The following BBX variants were observed in gnomAD, a reference collection of about 807,000 sequenced individuals.
The protein encoded by BBX is HMG box transcription factor BBX.
Under a neutral mutation model 100.2 loss-of-function variants are expected in BBX, and 30 were observed. The observed-to-expected ratio is 0.30, with a 90% CI of 0.22 to 0.41. The LOEUF (loss-of-function observed/expected upper bound fraction) is 0.41. Ranked by LOEUF, BBX falls within the 10% of genes least tolerant of loss-of-function variation. The pLI, the probability that BBX is intolerant of heterozygous loss-of-function variation, is 1.00. For missense variants in BBX, 1,023 were observed against 1,129.8 expected (o/e 0.91, Z 1.35); for synonymous variants, 376 against 388.1 (o/e 0.97, Z 0.37).
chr3:107,676,968 T>C (rs2059313337), intron 3 of BBX, among the ~76,000 whole-genome samples: 1 of 152,132 alleles, frequency 6.6e-6, no homozygotes, highest in South Asian at 2.1e-4. Context: ...GAGGGTATAA[T>C]TGGAACAGGT....
At chr3:107,767,784 C>T (rs1167929221) in intron 10 of BBX, among the ~76,000 whole-genome samples, 5 of 152,124 alleles carry the variant, frequency 3.3e-5, no homozygotes, top group Non-Finnish European at 5.9e-5. Context: ...TGCCCACTGC[C>T]TTCTGCCCCA....
At chr3:107,661,076 T>G (rs887365956) in intron 3 of BBX, among the ~76,000 whole-genome samples, 3 of 152,192 alleles carry the variant, frequency 2.0e-5, no homozygotes, top group African/African-American at 7.2e-5. Flanking sequence ...TTTAAAAATT[T>G]TTGTCAAGTG....
intron 2 of BBX, 63 bp from the exon 3 acceptor site, chr3:107,645,773 G>C (rs2057480836): frequency 6.6e-6 from 1 of 152,626 alleles, no homozygotes; most frequent in South Asian, 2.1e-4. Context: ...ATGAGTGTCA[G>C]CTTTAATTTG....
chr3:107,770,041 G>A (rs974359860), intron 10 of BBX, among the ~76,000 whole-genome samples: 10 of 152,202 alleles, frequency 6.6e-5, no homozygotes, highest in Non-Finnish European at 1.5e-4. Flanking sequence ...AGCCTGAAAT[G>A]AGGAAGTAAA....
At chr3:107,637,265 C>T (rs956586090) in intron 2 of BBX, among the ~76,000 whole-genome samples, 13 of 152,172 alleles carry the variant, frequency 8.5e-5, no homozygotes, top group Admixed American at 2.6e-4. Flanking sequence ...CTTTCTTTGC[C>T]TTCAGACTAG....
chr3:107,542,820 G>T (rs1414558405), intron 2 of BBX, among the ~76,000 whole-genome samples: 2 of 152,086 alleles, frequency 1.3e-5, no homozygotes, highest in Non-Finnish European at 2.9e-5. Flanking sequence ...GTGCCTCCTA[G>T]GCTTCCCACG....
intron 7 of BBX, among the ~76,000 whole-genome samples, chr3:107,737,891 T>TC (rs1199982256): frequency 1.5e-5 from 2 of 132,218 alleles, no homozygotes; most frequent in African/African-American, 5.6e-5. Flanking sequence ...CCAGTTTTTT[T>TC]TTTTTTTTTT....
At chr3:107,777,212 G>T (rs533695885) in intron 12 of BBX, among the ~76,000 whole-genome samples, 1 of 152,074 alleles carries the variant, frequency 6.6e-6, no homozygotes, top group Non-Finnish European at 1.5e-5. Context: ...CATATGTAAG[G>T]TTCAGTACCA....
chr3:107,788,160 G>A (rs1302147616), intron 13 of BBX, among the ~76,000 whole-genome samples: 1 of 152,052 alleles, frequency 6.6e-6, no homozygotes, highest in Non-Finnish European at 1.5e-5. Context: ...TGACAGTAGA[G>A]GTAATCACCA....
At chr3:107,782,984 G>C (rs1365591465) in intron 13 of BBX, among the ~76,000 whole-genome samples, 1 of 152,014 alleles carries the variant, frequency 6.6e-6, no homozygotes, top group Non-Finnish European at 1.5e-5. Context: ...AAGCCCTTCT[G>C]CATTTTACTT....
At chr3:107,586,075 C>A (rs2107574230) in intron 2 of BBX, among the ~76,000 whole-genome samples, 1 of 152,190 alleles carries the variant, frequency 6.6e-6, no homozygotes, top group South Asian at 2.1e-4. Flanking sequence ...TTAGTATTCT[C>A]ATTTTAAGAA....
intron 3 of BBX, among the ~76,000 whole-genome samples, chr3:107,657,689 G>A (rs182017620): frequency 7.2e-5 from 11 of 152,216 alleles, no homozygotes; most frequent in Admixed American, 3.3e-4. Flanking sequence ...GTGGGAGGGG[G>A]AGGTGAAGTT....
At chr3:107,548,737 C>T (rs1444943872) in intron 2 of BBX, among the ~76,000 whole-genome samples, 1 of 152,112 alleles carries the variant, frequency 6.6e-6, no homozygotes, top group Non-Finnish European at 1.5e-5. Context: ...TGGAATCAAC[C>T]TAGGTGCCCA....
chr3:107,766,726 A>G (rs1371742794), intron 10 of BBX, among the ~76,000 whole-genome samples: 1 of 152,252 alleles, frequency 6.6e-6, no homozygotes, highest in Non-Finnish European at 1.5e-5. Flanking sequence ...AAAGGATTAT[A>G]AATCATTCTG....
intron 2 of BBX, among the ~76,000 whole-genome samples, chr3:107,580,040 A>G (rs1245208943): frequency 1.3e-5 from 2 of 152,076 alleles, no homozygotes; most frequent in South Asian, 2.1e-4. Flanking sequence ...TGAGAAGCTC[A>G]TTGCAAATCA....
At chr3:107,707,478 G>A (rs1576437844) in intron 3 of BBX, among the ~76,000 whole-genome samples, 1 of 152,314 alleles carries the variant, frequency 6.6e-6, no homozygotes, top group East Asian at 1.9e-4. Context: ...ATGATCTGAT[G>A]TGCCAGGATG....
chr3:107,707,970 C>G (rs1039836552), intron 3 of BBX, among the ~76,000 whole-genome samples: 1 of 152,206 alleles, frequency 6.6e-6, no homozygotes, highest in Non-Finnish European at 1.5e-5. Context: ...GCCTTACTTA[C>G]AGTTTCCCAC....
rs1190882226 is a variant in BBX, at chr3:107,807,083, CT to C, written c.*1627del. ...CGTAATAGCCATACAAAAAATGACT[CT>C]ATTCATACTAGGTTTAGCTTCTCAT... On this transcript the variant is annotated 3_prime_UTR_variant, in exon 18 of 18. Transcript: ENST00000325805. 4 of 151,870 alleles carry C rather than the reference CT, an allele frequency of 2.6e-5. No homozygotes were observed. The highest frequency in any genetic ancestry group is 5.9e-5 in the Non-Finnish European group (4 of 67,994). 9.4% of individuals were successfully genotyped at this position (151,870 alleles called of 1,614,324 possible).
intron 2 of BBX, among the ~76,000 whole-genome samples, chr3:107,621,615 ATCG>A (rs1299807906): frequency 1.3e-5 from 2 of 152,232 alleles, no homozygotes; most frequent in Non-Finnish European, 2.9e-5. Flanking sequence ...TAATTTAGAT[ATCG>A]TTCAGCTTGA....
Sources: allele counts gnomAD v4.1 joint callset (sites outside exome capture counted in the v4.1 genomes callset), GRCh38; gene constraint gnomAD v4.1.1; transcripts MANE v1.5; gene names NCBI Gene and HGNC (gene_info 2026-07-23, HGNC 2026-07-21).